The following DCC variants were observed in gnomAD, a reference collection of about 807,000 sequenced individuals.
The protein encoded by DCC is DCC netrin 1 receptor.
In DCC, 58 loss-of-function variants were observed where a neutral mutation model predicts 172.5. That is an observed-to-expected ratio of 0.34 (90% confidence interval 0.27 to 0.42). The LOEUF (loss-of-function observed/expected upper bound fraction) is 0.42, where lower values mean the gene tolerates loss of function less well. DCC is among the 10% of genes least tolerant of loss of function. The pLI, the probability that DCC is intolerant of heterozygous loss-of-function variation, is 1.00. For missense variants in DCC, 1,740 were observed against 1,791.0 expected (o/e 0.97, Z 0.51); for synonymous variants, 709 against 644.5 (o/e 1.10, Z -1.52).
At chr18:53,143,994 G>A (rs1598845275) in intron 7 of DCC, among the ~76,000 whole-genome samples, 1 of 152,132 alleles carries the variant, frequency 6.6e-6, no homozygotes, top group Non-Finnish European at 1.5e-5. Context: ...ATTACTTGGA[G>A]GATGAAGTTA....
intron 2 of DCC, among the ~76,000 whole-genome samples, chr18:52,852,650 T>A (rs1003155946): frequency 1.4e-5 from 2 of 147,350 alleles, no homozygotes; most frequent in Admixed American, 1.3e-4. Context: ...TTGGTTAAAA[T>A]TTATTTTAAC....
At chr18:52,831,094 A>G (rs983754209) in intron 2 of DCC, among the ~76,000 whole-genome samples, 2 of 152,168 alleles carry the variant, frequency 1.3e-5, no homozygotes, top group Admixed American at 6.5e-5. Flanking sequence ...AAAGTTATCC[A>G]CGGAGATTTC....
intron 15 of DCC, among the ~76,000 whole-genome samples, chr18:53,349,206 C>T (rs2057759664): frequency 6.6e-6 from 1 of 152,192 alleles, no homozygotes; most frequent in African/African-American, 2.4e-5. Flanking sequence ...GAAAGTTCCA[C>T]AGATCTCTAG....
rs1007889544 is a variant in DCC at position 52,541,166 on chromosome 18, A to G, written c.91+200288A>G. The stretch of plus-strand genomic sequence containing the variant: ...CCCAGATAACATCGTATACAAGTGG[A>G]TAAGTCAAGACGGGAAGCTGGAGCT... On this transcript the variant is annotated intron_variant, in intron 1 of 28. Transcript: ENST00000442544. 4.6e-5 allele frequency among the ~76,000 whole-genome samples: 7 copies of G among 152,170 alleles called. No homozygotes were observed. In the East Asian group the frequency reaches 1.2e-3, roughly 25 times the overall value.
At chr18:53,075,927 C>G (rs569713351) in intron 7 of DCC, among the ~76,000 whole-genome samples, 27 of 152,286 alleles carry the variant, frequency 1.8e-4, no homozygotes, top group Non-Finnish European at 2.9e-4. Context: ...TTACTCTCAG[C>G]TAGCATCTCT....
chr18:52,996,300 G>A (rs548811076), intron 5 of DCC, among the ~76,000 whole-genome samples: 1 of 151,810 alleles, frequency 6.6e-6, no homozygotes, highest in African/African-American at 2.4e-5. Flanking sequence ...TTAAAAGAAT[G>A]ATTCTAACAA....
At chr18:52,715,355 C>T (rs1230819972) in intron 1 of DCC, among the ~76,000 whole-genome samples, 4 of 149,876 alleles carry the variant, frequency 2.7e-5, no homozygotes, top group East Asian at 2.0e-4. Context: ...GCTGGAGTGC[C>T]GTGGCATGAT....
chr18:52,381,305 G>A (rs988681726), intron 1 of DCC, among the ~76,000 whole-genome samples: 1 of 152,122 alleles, frequency 6.6e-6, no homozygotes, highest in Non-Finnish European at 1.5e-5. Flanking sequence ...TGTAGTTGGT[G>A]CAGCATTTTA....
At chr18:53,477,618 T>A (rs1280761276) in intron 25 of DCC, among the ~76,000 whole-genome samples, 1 of 152,248 alleles carries the variant, frequency 6.6e-6, no homozygotes, top group East Asian at 1.9e-4. Context: ...TGACATTTCT[T>A]ATTATGTGCT....
intron 1 of DCC, among the ~76,000 whole-genome samples, chr18:52,622,343 T>C (rs1308708579): frequency 6.6e-6 from 1 of 152,206 alleles, no homozygotes; most frequent in Non-Finnish European, 1.5e-5. Context: ...GAATGGGTAT[T>C]GGGGTCATGT....
At chr18:52,915,139 G>C (rs1481746250) in intron 3 of DCC, among the ~76,000 whole-genome samples, 1 of 152,016 alleles carries the variant, frequency 6.6e-6, no homozygotes, top group South Asian at 2.1e-4. Context: ...TAATTTCTCT[G>C]TGTCTCAGTT....
intron 1 of DCC, among the ~76,000 whole-genome samples, chr18:52,503,071 C>T (rs1033520813): frequency 2.0e-5 from 3 of 152,158 alleles, no homozygotes; most frequent in African/African-American, 7.2e-5. Context: ...CAAATCAAAT[C>T]ACAGAGGATC....
chr18:52,804,080 G>A (rs1326256838), intron 2 of DCC, among the ~76,000 whole-genome samples: 1 of 152,090 alleles, frequency 6.6e-6, no homozygotes, highest in Non-Finnish European at 1.5e-5. Context: ...CCTGGCCCCT[G>A]TACAATGTGT....
In DCC at chr18:53,499,300, G is replaced by C. The variant is rs1406073994; in HGVS notation, c.3901G>C (p.Val1301Leu). Residue 1301 changes from valine to leucine, a missense_variant and splice_region_variant, in exon 27 of 29, where the codon GTG becomes CTG. Physicochemically the swap from Val to Leu is conservative, Grantham distance 32. This residue lies in a region of DCC where 1,732 missense variants were observed against 1,767.4 expected (regional missense o/e 0.98). Transcript: ENST00000442544. ...GACTTTTCTTGTCTCCACTGCAGCA[G>C]TGAGTGAAGGACCAACTACCCAACA... ...RGFGAGRSQS[V>L]SEGPTTQQPP... 1 of 1,613,902 alleles carries C rather than the reference G, an allele frequency of 6.2e-7. No individual in the cohort carries two copies. Among genetic ancestry groups the C allele is most frequent in the Non-Finnish European group, 8.5e-7 (1 of 1,179,992 alleles).
At chr18:52,403,556 T>C (rs566685408) in intron 1 of DCC, among the ~76,000 whole-genome samples, 1 of 152,176 alleles carries the variant, frequency 6.6e-6, no homozygotes, top group South Asian at 2.1e-4. Context: ...GTGCTGCTTC[T>C]TGTCCATGAA....
chr18:52,779,886 G>A (rs1315616247), intron 2 of DCC, among the ~76,000 whole-genome samples: 1 of 152,076 alleles, frequency 6.6e-6, no homozygotes, highest in Non-Finnish European at 1.5e-5. Flanking sequence ...GTTTTGATTT[G>A]CATTTCTCTA....
chr18:53,360,250 T>A (rs967829736), intron 15 of DCC, among the ~76,000 whole-genome samples: 4 of 152,050 alleles, frequency 2.6e-5, no homozygotes, highest in Admixed American at 2.6e-4. Flanking sequence ...ATGTGACTGG[T>A]ACAGATATAT....
Position 52,671,016 on chromosome 18 carries a change from C to T in DCC, c.92-81038C>T, listed in dbSNP as rs190662618. The stretch of plus-strand genomic sequence containing the variant: ...GCTTCCCCAGCAGGGTCTTTGACAT[C>T]GGAGTTTTTTCCCCTCATGTTGTCA... On this transcript the variant is annotated intron_variant, in intron 1 of 28. Transcript: ENST00000442544. 8.2e-4 allele frequency among the ~76,000 whole-genome samples: 125 copies of T among 152,260 alleles called. 1 individual carries two copies. The highest frequency in any genetic ancestry group is 3.4e-3 in the Middle Eastern group (1 of 294).
chr18:53,141,806 C>G lies in DCC; in HGVS notation c.1262-15550C>G, dbSNP rs527508630. On this transcript the variant is annotated intron_variant, in intron 7 of 28. Coordinates refer to ENST00000442544, the MANE Select transcript of DCC (RefSeq NM_005215.4). Reference sequence around the variant, plus strand: ...ACAAAAAAATGAAACTTCCCACCCGCAATTTTGAATTGTATTGTCCTGGTT... The same window carrying G: ...ACAAAAAAATGAAACTTCCCACCCGGAATTTTGAATTGTATTGTCCTGGTT... Among the ~76,000 whole-genome samples the G allele has an allele frequency of 9.9e-5, 15 of 152,274 alleles. No homozygotes were observed. In the East Asian group the frequency reaches 2.9e-3, roughly 29 times the overall value.
Sources: gnomAD v4.1 joint callset for allele counts (sites outside exome capture counted in the v4.1 genomes callset) on GRCh38, gnomAD v4.1.1 for gene constraint, gnomAD v4.1.1 regional missense constraint, MANE v1.5 for transcripts, NCBI Gene and HGNC (gene_info 2026-07-23, HGNC 2026-07-21) for gene names.